EHBP1: variants seen among roughly 807,000 people sequenced by gnomAD.
The protein encoded by EHBP1 is EH domain binding protein 1.
In EHBP1, 55 loss-of-function variants were observed where a neutral mutation model predicts 144.0. The ratio of observed to expected loss-of-function variants is 0.38; its 90% CI spans 0.31 to 0.48. The LOEUF (loss-of-function observed/expected upper bound fraction) is 0.48. Ranked by LOEUF, EHBP1 falls within the 20% of genes least tolerant of loss-of-function variation. The probability of loss-of-function intolerance (pLI) is 0.98; values close to 1 mark genes in which losing one functional copy is unlikely to be tolerated. For missense variants in EHBP1, 1,200 were observed against 1,364.2 expected (o/e 0.88, Z 1.90); for synonymous variants, 469 against 472.7 (o/e 0.99, Z 0.10).
intron 3 of EHBP1, among the ~76,000 whole-genome samples, chr2:62,753,665 A>C (rs2039977780): frequency 6.6e-6 from 1 of 151,770 alleles, no homozygotes; most frequent in African/African-American, 2.4e-5. Flanking sequence ...TGGTCTTTTC[A>C]CATAGTCCCG....
intron 19 of EHBP1, among the ~76,000 whole-genome samples, chr2:62,997,428 AT>A (rs2059682118): frequency 1.1e-5 from 1 of 90,554 alleles, no homozygotes; most frequent in Non-Finnish European, 2.4e-5. Context: ...AAAGGAACTC[AT>A]GTGTGTGTGT....
chr2:62,800,206 C>T (rs1469138190), intron 5 of EHBP1, among the ~76,000 whole-genome samples: 1 of 152,006 alleles, frequency 6.6e-6, no homozygotes, highest in Non-Finnish European at 1.5e-5. Context: ...GATGTGTTAA[C>T]CCTAAATGGT....
intron 2 of EHBP1, among the ~76,000 whole-genome samples, chr2:62,745,068 A>G (rs920129641): frequency 3.3e-5 from 5 of 152,246 alleles, no homozygotes; most frequent in African/African-American, 9.6e-5. Flanking sequence ...GATGAGTTGC[A>G]GAGATGATGT....
intron 21 of EHBP1, among the ~76,000 whole-genome samples, chr2:63,039,324 A>T (rs1318605979): frequency 6.6e-6 from 1 of 152,214 alleles, no homozygotes; most frequent in Non-Finnish European, 1.5e-5. Context: ...AAACAGTTTC[A>T]TGCTTTTCAT....
chr2:62,894,314 A>G (rs2052702646), intron 10 of EHBP1, among the ~76,000 whole-genome samples: 1 of 152,234 alleles, frequency 6.6e-6, no homozygotes, highest in Non-Finnish European at 1.5e-5. Context: ...AAGAGCATTA[A>G]TGAGCATTAC....
At chr2:63,039,371 T>A (rs1488531875) in intron 21 of EHBP1, among the ~76,000 whole-genome samples, 1 of 152,168 alleles carries the variant, frequency 6.6e-6, no homozygotes. Context: ...ATCCTATGCA[T>A]GGTTCATATA....
chr2:62,771,774 G>GT, intron 5 of EHBP1: 1 of 152,598 alleles, frequency 6.6e-6, no homozygotes, highest in African/African-American at 2.4e-5. Flanking sequence ...ATCTAAACAT[G>GT]TGTTGGATGG....
chr2:62,709,348 T>C (rs939648509), intron 2 of EHBP1, among the ~76,000 whole-genome samples: 3 of 152,072 alleles, frequency 2.0e-5, no homozygotes, highest in African/African-American at 4.8e-5. Context: ...TTGACCAAGC[T>C]GGAGAAGGTC....
chr2:62,942,801 G>A lies in EHBP1; in HGVS notation c.1269G>A (p.Lys423=). ...SLLVWCKEVT[K]NYRGVKITNF... Reference sequence around the variant, plus strand: ...TTGTATGGTGTAAAGAAGTTACAAAGAACTACCGAGGAGTAAAAATCACCA... The same window carrying A: ...TTGTATGGTGTAAAGAAGTTACAAAAAACTACCGAGGAGTAAAAATCACCA... Residue 423 remains lysine (K), a synonymous_variant, in exon 11 of 23, where the codon AAG becomes AAA. Coordinates refer to ENST00000431489, the MANE Select transcript of EHBP1 (RefSeq NM_001142616.3). 1 of 1,613,780 alleles carries A rather than the reference G, an allele frequency of 6.2e-7. No individual in the cohort carries two copies. Among genetic ancestry groups the A allele is most frequent in the Non-Finnish European group, 8.5e-7 (1 of 1,179,834 alleles).
chr2:62,947,650 C>G lies in EHBP1; in HGVS notation c.1414-610C>G, dbSNP rs376273248. Among the ~76,000 whole-genome samples the G allele has an allele frequency of 2.3e-4, 35 of 152,250 alleles. 1 individual carries two copies. The highest frequency in any genetic ancestry group is 7.9e-4 in the African/African-American group (33 of 41,556). On this transcript the variant is annotated intron_variant, in intron 12 of 22. Transcript: ENST00000431489. Reference sequence around the variant, plus strand: ...CTGATGTGCCACAGTCATTTAAAGGCTAACAAAAATAATACAATGCAGCCT... The same window carrying G: ...CTGATGTGCCACAGTCATTTAAAGGGTAACAAAAATAATACAATGCAGCCT...
intron 2 of EHBP1, among the ~76,000 whole-genome samples, chr2:62,736,181 G>A (rs1415138554): frequency 3.6e-5 from 5 of 140,768 alleles, no homozygotes; most frequent in Admixed American, 1.4e-4. Flanking sequence ...GCAGTCTTTG[G>A]ATATTCTATT....
At chr2:62,858,921 G>T (rs1174248888) in intron 7 of EHBP1, among the ~76,000 whole-genome samples, 4 of 152,034 alleles carry the variant, frequency 2.6e-5, no homozygotes, top group Non-Finnish European at 5.9e-5. Flanking sequence ...AAATTGACAT[G>T]GAAGTTTCTT....
intron 10 of EHBP1, among the ~76,000 whole-genome samples, chr2:62,925,770 A>G (rs953862588): frequency 3.4e-4 from 52 of 152,332 alleles, no homozygotes; most frequent in African/African-American, 1.2e-3. Flanking sequence ...ATACACAAAA[A>G]TGGAAAGTCA....
intron 8 of EHBP1, among the ~76,000 whole-genome samples, chr2:62,863,314 C>T (rs1373853474): frequency 6.6e-6 from 1 of 151,310 alleles, no homozygotes; most frequent in African/African-American, 2.4e-5. Flanking sequence ...CCATTGTTGT[C>T]CAGGCATGGT....
At chr2:62,767,312 G>T (rs1325177024) in intron 4 of EHBP1, among the ~76,000 whole-genome samples, 1 of 152,124 alleles carries the variant, frequency 6.6e-6, no homozygotes, top group East Asian at 1.9e-4. Flanking sequence ...GTTAGTGATG[G>T]AAGATAGTGA....
Position 63,045,524 on chromosome 2 carries a change from C to G in EHBP1, c.*24C>G. On this transcript the variant is annotated 3_prime_UTR_variant, in exon 23 of 23. Coordinates refer to ENST00000431489, the MANE Select transcript of EHBP1 (RefSeq NM_001142616.3). This position sits in a 1 kb window ranked among gnomAD's most constrained non-coding sequence, Gnocchi z 5.7. ...AGCCATCAGATCAGAAAGAATCTCT[C>G]CCAACATTTTAGAGTCTTGCTTCCC... is the stretch of plus-strand genomic sequence containing the variant. The G allele has an allele frequency of 3.2e-6, 5 of 1,578,348 alleles. No individual in the cohort carries two copies. The highest frequency in any genetic ancestry group is 4.3e-6 in the Non-Finnish European group (5 of 1,151,592).
intron 19 of EHBP1, 124 bp downstream of exon 19, chr2:62,996,890 A>T: frequency 7.1e-7 from 1 of 1,410,234 alleles, no homozygotes; most frequent in Non-Finnish European, 9.6e-7. Context: ...GAAAATAAAA[A>T]GGCTGCGATT....
At chr2:62,714,821 A>C (rs1342963809) in intron 2 of EHBP1, among the ~76,000 whole-genome samples, 2 of 152,166 alleles carry the variant, frequency 1.3e-5, no homozygotes, top group African/African-American at 4.8e-5. Flanking sequence ...GTGACCAGGG[A>C]GGTAGGAGTA....
chr2:62,880,017 A>G (rs183012337), intron 10 of EHBP1, among the ~76,000 whole-genome samples: 32 of 152,332 alleles, frequency 2.1e-4, no homozygotes, highest in African/African-American at 7.2e-4. Context: ...TGGTAGACGC[A>G]CAGACCAATG....
Sources: gnomAD v4.1 joint callset for allele counts (sites outside exome capture counted in the v4.1 genomes callset) on GRCh38, gnomAD v4.1.1 for gene constraint, Gnocchi (gnomAD v3.1) non-coding constraint, MANE v1.5 for transcripts, NCBI Gene and HGNC (gene_info 2026-07-23, HGNC 2026-07-21) for gene names.